The following SUDS3 variants were observed in gnomAD, a reference collection of about 807,000 sequenced individuals.
The protein encoded by SUDS3 is sin3 histone deacetylase corepressor complex component SDS3.
In SUDS3, 23 loss-of-function variants were observed where a neutral mutation model predicts 53.5. The ratio of observed to expected loss-of-function variants is 0.43; its 90% CI spans 0.31 to 0.61. SUDS3 has a LOEUF of 0.61. Ranked by LOEUF, SUDS3 falls within the 20% of genes least tolerant of loss-of-function variation. SUDS3 has a pLI of 0.10. For missense variants in SUDS3, 291 were observed against 405.9 expected (o/e 0.72, Z 2.43); for synonymous variants, 150 against 148.5 (o/e 1.01, Z -0.08).
intron 1 of SUDS3, among the ~76,000 whole-genome samples, chr12:118,377,750 G>C (rs958918958): frequency 1.3e-5 from 2 of 152,160 alleles, no homozygotes; most frequent in African/African-American, 4.8e-5. Flanking sequence ...AACAAAGAGA[G>C]ACCGATATAT....
intron 2 of SUDS3, among the ~76,000 whole-genome samples, chr12:118,381,415 C>G (rs899795294): frequency 6.6e-6 from 1 of 152,064 alleles, no homozygotes; most frequent in African/African-American, 2.4e-5. Flanking sequence ...TGGAGTGTCG[C>G]TTTGTTGCCC....
In SUDS3 at chr12:118,376,738, C is replaced by T. The variant is rs760160171; in HGVS notation, c.47C>T (p.Ala16Val). The T allele has an allele frequency of 7.2e-6, 11 of 1,535,114 alleles. No homozygotes were observed. Among genetic ancestry groups the T allele is most frequent in the Middle Eastern group, 4.2e-4 (2 of 4,802 alleles). Residue 16 changes from alanine to valine, a missense_variant, in exon 1 of 12, where the codon GCG becomes GTG. Around this residue, in one of 4 missense-constraint regions of SUDS3, gnomAD observed 149 missense variants for 146.5 expected, o/e 1.02. Transcript: ENST00000543473. ...GCCCCGGCCCCGGCCCAGGCTGGAG[C>T]GCCGCCGGCCCCCGAGTACTACCCC... is the stretch of plus-strand genomic sequence containing the variant. ...LLAPAPAQAG[A>V]PPAPEYYPEE...
intron 8 of SUDS3, 45 bp from the exon 9 acceptor site, chr12:118,401,938 T>A (rs1263992121): frequency 1.3e-5 from 21 of 1,612,978 alleles, no homozygotes; most frequent in Non-Finnish European, 1.7e-5. Context: ...AAGTTGCACC[T>A]GAAATGATTT....
chr12:118,402,401 G>C, intron 9 of SUDS3: 1 of 221,898 alleles, frequency 4.5e-6, no homozygotes, highest in South Asian at 8.0e-5. Context: ...TTCGTGGCCT[G>C]ACTCTGGTAA....
intron 6 of SUDS3, among the ~76,000 whole-genome samples, chr12:118,393,771 A>G (rs2046189265): frequency 6.6e-6 from 1 of 151,844 alleles, no homozygotes; most frequent in South Asian, 2.1e-4. Flanking sequence ...CCCATGTTCA[A>G]GTGATTCTCC....
chr12:118,401,766 A>C lies in SUDS3; in HGVS notation c.621A>C (p.Leu207=). ...TCCTTTAACTCTCAACACCCCAGCT[A>C]AACTATTTGTTAACAGATGAACAGA... ...DKRRKPAPAQ[L]NYLLTDEQIM... is the part of the protein sequence containing the mutation. Residue 207 remains leucine (L), a synonymous_variant, in exon 8 of 12, where the codon CTA becomes CTC. Coordinates refer to ENST00000543473, the MANE Select transcript of SUDS3 (RefSeq NM_022491.3). 1 of 1,613,698 alleles carries C rather than the reference A, an allele frequency of 6.2e-7. No individual in the cohort carries two copies. Among genetic ancestry groups the C allele is most frequent in the Non-Finnish European group, 8.5e-7 (1 of 1,179,626 alleles).
At chr12:118,387,843 A>G (rs1427149176) in intron 4 of SUDS3, among the ~76,000 whole-genome samples, 1 of 152,176 alleles carries the variant, frequency 6.6e-6, no homozygotes, top group African/African-American at 2.4e-5. Flanking sequence ...GGTGTGAGCC[A>G]ACGTGCCCGG....
At chr12:118,382,883 G>T (rs919775338) in intron 2 of SUDS3, among the ~76,000 whole-genome samples, 3 of 151,678 alleles carry the variant, frequency 2.0e-5, no homozygotes, top group Non-Finnish European at 4.4e-5. Flanking sequence ...GGCCAGGTTG[G>T]TCTCGAACTC....
intron 1 of SUDS3, among the ~76,000 whole-genome samples, chr12:118,377,675 A>T (rs77667808): frequency 6.6e-6 from 1 of 152,104 alleles, no homozygotes; most frequent in Non-Finnish European, 1.5e-5. Flanking sequence ...GAGGAACGCT[A>T]TTTTGGAGGG....
At chr12:118,400,588 T>G (rs2046255126) in intron 6 of SUDS3, 71 bp from the exon 7 acceptor site, 4 of 1,452,148 alleles carry the variant, frequency 2.8e-6, no homozygotes, top group Non-Finnish European at 2.9e-6. Flanking sequence ...GCAGATATTC[T>G]TATACTATAG....
chr12:118,378,910 G>A lies in SUDS3; in HGVS notation c.143-1252G>A, dbSNP rs191868597. Among the ~76,000 whole-genome samples, 977 of 152,024 alleles carry A rather than the reference G, an allele frequency of 6.4e-3. 10 individuals carry two copies. Among genetic ancestry groups the A allele is most frequent in the African/African-American group, 0.023 (940 of 41,494 alleles). ...GGCTGGTCTCGAACTCCCGACCTCA[G>A]GTGATCCACCTGCCTTTGCCTCCCA... On this transcript the variant is annotated intron_variant, in intron 1 of 11. Transcript: ENST00000543473.
intron 6 of SUDS3, among the ~76,000 whole-genome samples, chr12:118,392,072 T>A (rs977933911): frequency 2.0e-5 from 3 of 152,320 alleles, no homozygotes; most frequent in African/African-American, 7.2e-5. Context: ...GGAATTGGCT[T>A]GAACTAGCTA....
chr12:118,383,817 G>C (rs1242208739), intron 2 of SUDS3, among the ~76,000 whole-genome samples, 195 bp from the exon 3 acceptor site: 1 of 152,210 alleles, frequency 6.6e-6, no homozygotes, highest in Non-Finnish European at 1.5e-5. Context: ...GGAACACAGG[G>C]TTCTTTCTTG....
intron 6 of SUDS3, among the ~76,000 whole-genome samples, chr12:118,394,556 A>C (rs569182678): frequency 6.6e-6 from 1 of 152,298 alleles, no homozygotes; most frequent in South Asian, 2.1e-4. Flanking sequence ...CTAATGGATA[A>C]AGTCTGTGTC....
intron 9 of SUDS3, among the ~76,000 whole-genome samples, chr12:118,402,813 T>C (rs1050935184): frequency 4.0e-5 from 6 of 151,124 alleles, no homozygotes; most frequent in Non-Finnish European, 5.9e-5. Flanking sequence ...CAGGCTGGAG[T>C]GCAGTGGCGT....
At chr12:118,408,756 T>C (rs1268178459) in intron 10 of SUDS3, among the ~76,000 whole-genome samples, 1 of 152,032 alleles carries the variant, frequency 6.6e-6, no homozygotes, top group Non-Finnish European at 1.5e-5. Flanking sequence ...CTACACCACA[T>C]CCATGACCTT....
At chr12:118,395,216 GTTTTTTTTTTT>G (rs71772462) in intron 6 of SUDS3, among the ~76,000 whole-genome samples, 14 of 80,128 alleles carry the variant, frequency 1.7e-4, no homozygotes, top group African/African-American at 6.1e-4. Flanking sequence ...TGGAATCAGG[GTTTTTTTTTTT>G]TTTTTTTTTT....
At chr12:118,405,767 T>A (rs61943406) in intron 10 of SUDS3, among the ~76,000 whole-genome samples, 17,495 of 152,268 alleles carry the variant, frequency 0.11, 1,269 homozygotes, top group Middle Eastern at 0.19. Flanking sequence ...ACTGGTGCAG[T>A]GCCAGCCTCT....
At chr12:118,384,323 A>G (rs1234768242) in intron 3 of SUDS3, among the ~76,000 whole-genome samples, 1 of 152,234 alleles carries the variant, frequency 6.6e-6, no homozygotes, top group African/African-American at 2.4e-5. Context: ...TCAATGGAGC[A>G]CGAATTGAAC....
Sources: allele counts gnomAD v4.1 joint callset (sites outside exome capture counted in the v4.1 genomes callset), GRCh38; gene constraint gnomAD v4.1.1; regional missense constraint gnomAD v4.1.1; transcripts MANE v1.5; gene names NCBI Gene and HGNC (gene_info 2026-07-23, HGNC 2026-07-21).